The following SYNE3 variants were observed in gnomAD, a reference collection of about 807,000 sequenced individuals.
SYNE3 encodes nesprin-3.
A neutral mutation model predicts 111.2 loss-of-function variants in SYNE3; 100 were observed. The ratio of observed to expected loss-of-function variants is 0.90; its 90% CI spans 0.77 to 1.06. The LOEUF is 1.06. Among genes scored for constraint, SYNE3 ranks in the 50% least tolerant of loss-of-function variants. The probability of loss-of-function intolerance (pLI) is 0.00; values close to 1 mark genes in which losing one functional copy is unlikely to be tolerated. For missense variants in SYNE3, 1,160 were observed against 1,240.3 expected, an observed-to-expected ratio of 0.94 and a Z score of 0.97; for synonymous variants, 547 against 533.9, an observed-to-expected ratio of 1.02 and a Z score of -0.34.
At chr14:95,516,260 G>A (rs956223501) in intron 1 of SYNE3, 2 of 152,278 alleles carry the variant, frequency 1.3e-5, no homozygotes, top group Non-Finnish European at 2.9e-5. Flanking sequence ...AAGCCCCGAG[G>A]AGGCACCCGG....
intron 11 of SYNE3, among the ~76,000 whole-genome samples, chr14:95,440,761 C>A (rs536053860): frequency 6.6e-6 from 1 of 152,160 alleles, no homozygotes; most frequent in Admixed American, 6.5e-5. Context: ...GAAGTCAGAG[C>A]CCCCCTTGAG....
At chr14:95,429,885 C>G in intron 17 of SYNE3, 1 of 969,576 alleles carries the variant, frequency 1.0e-6, no homozygotes, top group South Asian at 4.8e-5. Flanking sequence ...GGTCCCATCC[C>G]CCTCTCTCCA....
At chr14:95,441,366 A>G (rs1886405170) in intron 11 of SYNE3, among the ~76,000 whole-genome samples, 1 of 152,234 alleles carries the variant, frequency 6.6e-6, no homozygotes, top group Admixed American at 6.5e-5. Context: ...ATTAGACCAG[A>G]CGCCTCCAAG....
intron 14 of SYNE3, chr14:95,437,670 G>GTTGGTT (rs1168566370): frequency 6.6e-6 from 1 of 152,000 alleles, no homozygotes; most frequent in Admixed American, 6.6e-5. Flanking sequence ...TTTTTTGTTT[G>GTTGGTT]TTTGTTTTTT....
chr14:95,416,028 T>C lies in SYNE3; in HGVS notation c.*1798A>G, dbSNP rs1388184266. ...TTATAATAACAATAATAATAATAAC[T>C]CAGAGCCAGGCTTGTGGATGGAAAT... On this transcript the variant is annotated 3_prime_UTR_variant, in exon 18 of 18. Coordinates refer to ENST00000682763, the MANE Select transcript of SYNE3 (RefSeq NM_152592.6). The C allele has an allele frequency of 2.0e-5, 3 of 151,930 alleles. No individual in the cohort carries two copies. The highest frequency in any genetic ancestry group is 1.5e-5 in the Non-Finnish European group (1 of 68,002). 9.4% of individuals were successfully genotyped at this position (151,930 alleles called of 1,614,324 possible).
chr14:95,504,017 T>A (rs1263680887), intron 1 of SYNE3, among the ~76,000 whole-genome samples: 2 of 152,212 alleles, frequency 1.3e-5, no homozygotes, highest in Non-Finnish European at 2.9e-5. Context: ...AACAGGAGGC[T>A]GCAAACCATG....
At chr14:95,444,312 T>A in intron 10 of SYNE3, 173 bp downstream of exon 10, 1 of 829,004 alleles carries the variant, frequency 1.2e-6, no homozygotes, top group African/African-American at 1.7e-5. Flanking sequence ...TCAGGAACCA[T>A]CAGATAAATA....
chr14:95,513,737 T>TTATATATATA (rs59944497), intron 1 of SYNE3, among the ~76,000 whole-genome samples: 7,046 of 91,900 alleles, frequency 0.077, 342 homozygotes, highest in Middle Eastern at 0.092. Context: ...GCTGCTTAGA[T>TTATATATATA]TATATATATA....
chr14:95,507,616 A>C (rs1890574955), intron 1 of SYNE3, among the ~76,000 whole-genome samples: 1 of 152,216 alleles, frequency 6.6e-6, no homozygotes, highest in Non-Finnish European at 1.5e-5. Flanking sequence ...CACAAGATGA[A>C]ATTTTTTTAA....
Position 95,416,543 on chromosome 14 carries a change from C to G in SYNE3, c.*1283G>C, listed in dbSNP as rs941390263. ...GGCAAGGAAGGGATGAGTTTCTGGC[C>G]TCGGGAACTCACATGGAGTCACCGC... On this transcript the variant is annotated 3_prime_UTR_variant, in exon 18 of 18. Transcript: ENST00000682763. 1 of 152,248 alleles carries G rather than the reference C, an allele frequency of 6.6e-6. No individual in the cohort carries two copies. Among genetic ancestry groups the G allele is most frequent in the Non-Finnish European group, 1.5e-5 (1 of 68,054 alleles). 9.4% of individuals were successfully genotyped at this position (152,248 alleles called of 1,614,324 possible).
chr14:95,506,975 C>A (rs1033315767), intron 1 of SYNE3, among the ~76,000 whole-genome samples: 1 of 152,234 alleles, frequency 6.6e-6, no homozygotes, highest in Non-Finnish European at 1.5e-5. Flanking sequence ...ACCAGTGACG[C>A]CTTGCTCTGC....
intron 6 of SYNE3, among the ~76,000 whole-genome samples, chr14:95,452,954 CA>C (rs1887187548): frequency 1.3e-5 from 2 of 152,216 alleles, no homozygotes; most frequent in Admixed American, 6.5e-5. Context: ...TTCACTTCAA[CA>C]TGTGCAAACA....
intron 14 of SYNE3, chr14:95,438,827 C>T (rs1027334006): frequency 1.6e-5 from 10 of 633,144 alleles, no homozygotes; most frequent in African/African-American, 1.5e-4. Context: ...GCTCTGCAGA[C>T]TCTGGGATCT....
In SYNE3 at chr14:95,500,444, CTT is replaced by C. The variant is rs1890293989; in HGVS notation, c.-15+16150_-15+16151del. ...TACCTTGCAGACGCGTAGGTGTCCT[CTT>C]GAGTCCCCAGACCTCAGCACCAGCG... On this transcript the variant is annotated intron_variant, in intron 1 of 17. Coordinates refer to ENST00000682763, the MANE Select transcript of SYNE3 (RefSeq NM_152592.6). This position sits in a 1 kb window ranked among gnomAD's most constrained non-coding sequence, Gnocchi z 4.7. Among the ~76,000 whole-genome samples the C allele has an allele frequency of 6.6e-6, 1 of 152,186 alleles. No homozygotes were observed. The highest frequency in any genetic ancestry group is 2.4e-5 in the African/African-American group (1 of 41,450).
chr14:95,469,030 G>A (rs532195417), intron 2 of SYNE3, among the ~76,000 whole-genome samples: 1 of 152,182 alleles, frequency 6.6e-6, no homozygotes, highest in Non-Finnish European at 1.5e-5. Flanking sequence ...TGTAGGGAGA[G>A]CCATGAGCAC....
In SYNE3 at chr14:95,449,967, G is replaced by A. The variant is rs761166587; in HGVS notation, c.1413C>T (p.Asp471=). 3.2e-6 allele frequency: 5 copies of A among 1,555,036 alleles called. No individual in the cohort carries two copies. Among genetic ancestry groups the A allele is most frequent in the Non-Finnish European group, 4.4e-6 (5 of 1,148,996 alleles). ...RLLEVTASLP[D]LPSLHTFLPQ... ...GCAGGAAGGTGTGAAGGGAAGGCAGGTCCGGCAGGCTGGCAGTGACCTCCA... is the reference window on the plus strand; with the variant it reads ...GCAGGAAGGTGTGAAGGGAAGGCAGATCCGGCAGGCTGGCAGTGACCTCCA... The change falls in exon 8 of 18, where the codon GAC becomes GAT. Residue 471 remains aspartate (D), a synonymous_variant. Coordinates refer to ENST00000682763, the MANE Select transcript of SYNE3 (RefSeq NM_152592.6).
intron 1 of SYNE3, among the ~76,000 whole-genome samples, chr14:95,478,039 T>G (rs1329335638): frequency 6.6e-6 from 1 of 152,146 alleles, no homozygotes; most frequent in Admixed American, 6.5e-5. Context: ...TTGTTGGCAA[T>G]GCCCGTGACC....
At chr14:95,486,444 C>T (rs1889552840) in intron 1 of SYNE3, among the ~76,000 whole-genome samples, 1 of 152,078 alleles carries the variant, frequency 6.6e-6, no homozygotes, top group Non-Finnish European at 1.5e-5. Flanking sequence ...CGCCTCATGC[C>T]TTCTCAGGCA....
chr14:95,505,199 G>GGCA (rs1890486330), intron 1 of SYNE3, among the ~76,000 whole-genome samples: 1 of 152,252 alleles, frequency 6.6e-6, no homozygotes, highest in South Asian at 2.1e-4. Context: ...GAGTTTACGC[G>GGCA]GCAGCGCTGA....
Sources: allele counts gnomAD v4.1 joint callset (sites outside exome capture counted in the v4.1 genomes callset), GRCh38; gene constraint gnomAD v4.1.1; non-coding constraint Gnocchi (gnomAD v3.1); transcripts MANE v1.5; gene names NCBI Gene and HGNC (gene_info 2026-07-23, HGNC 2026-07-21).